The following AK9 variants were observed in gnomAD, a reference collection of about 807,000 sequenced individuals.
AK9 encodes the protein adenylate kinase 9, also known as adenylate kinase domain containing 1.
AK9 carries 191 observed loss-of-function variants against 239.6 expected under a neutral mutation model. The ratio of observed to expected loss-of-function variants is 0.80; its 90% CI spans 0.71 to 0.90. AK9 has a LOEUF of 0.90. Ranked by LOEUF, AK9 falls within the 40% of genes least tolerant of loss-of-function variation. The pLI is 0.00. For missense variants in AK9, 1,995 were observed against 2,214.7 expected, an observed-to-expected ratio of 0.90 and a Z score of 1.99; for synonymous variants, 689 against 721.0, an observed-to-expected ratio of 0.96 and a Z score of 0.71.
intron 24 of AK9, among the ~76,000 whole-genome samples, chr6:109,556,465 A>G (rs1192442406): frequency 6.6e-6 from 1 of 152,052 alleles, no homozygotes; most frequent in Non-Finnish European, 1.5e-5. Context: ...TCAATCTTGG[A>G]GAATCTGATG....
chr6:109,601,690 CTCAT>C (rs769795101), intron 17 of AK9, among the ~76,000 whole-genome samples: 4 of 152,050 alleles, frequency 2.6e-5, no homozygotes, highest in Admixed American at 1.3e-4. Context: ...GTTAAAGTCT[CTCAT>C]TATTATTGTG....
chr6:109,626,630 A>G (rs1795555009), intron 12 of AK9, among the ~76,000 whole-genome samples: 1 of 152,246 alleles, frequency 6.6e-6, no homozygotes, highest in African/African-American at 2.4e-5. Context: ...GGTATAGCCT[A>G]TTGCTCCTAG....
intron 21 of AK9, among the ~76,000 whole-genome samples, chr6:109,569,480 G>A (rs993560345): frequency 6.6e-6 from 1 of 152,172 alleles, no homozygotes; most frequent in Non-Finnish European, 1.5e-5. Context: ...ACTACCATCA[G>A]AGTGAACAGG....
chr6:109,644,160 T>C (rs984064968), intron 9 of AK9, among the ~76,000 whole-genome samples: 6 of 152,380 alleles, frequency 3.9e-5, no homozygotes, highest in South Asian at 2.1e-4. Context: ...AGATAGTTAC[T>C]ATATTTTTGT....
intron 17 of AK9, among the ~76,000 whole-genome samples, chr6:109,598,588 C>A (rs1173417588): frequency 2.0e-5 from 3 of 152,176 alleles, no homozygotes; most frequent in Non-Finnish European, 4.4e-5. Context: ...GGTATACACC[C>A]AGTAATGGGA....
intron 9 of AK9, among the ~76,000 whole-genome samples, chr6:109,642,673 T>C (rs1797601017): frequency 6.6e-6 from 1 of 152,004 alleles, no homozygotes; most frequent in African/African-American, 2.4e-5. Flanking sequence ...CTGCTGTATA[T>C]GCTGGTGAAT....
chr6:109,533,960 C>A (rs1283420554), intron 27 of AK9, among the ~76,000 whole-genome samples: 1 of 152,030 alleles, frequency 6.6e-6, no homozygotes, highest in African/African-American at 2.4e-5. Context: ...GTACACCTGG[C>A]CAGCCCAATT....
chr6:109,493,487 G>A lies in AK9; in HGVS notation c.5618C>T (p.Thr1873Ile). The change falls in exon 41 of 41, where the codon ACA becomes ATA. Residue 1873 changes from threonine (T) to isoleucine (I), a missense_variant. Around this residue, in one of 5 missense-constraint regions of AK9, gnomAD observed 391 missense variants for 456.0 expected, o/e 0.86. Transcript: ENST00000424296. The part of the protein sequence containing the change: ...EQFMESCELI[T>I]YLGAKMTRKY... ...TCTGGTCATCTTGGCACCCAAGTAT[G>A]TTATGAGTTCACAACTCTCCATAAA... is the stretch of plus-strand genomic sequence containing the variant. 7 of 1,614,100 alleles carry A rather than the reference G, an allele frequency of 4.3e-6. No homozygotes were observed. Among genetic ancestry groups the A allele is most frequent in the Non-Finnish European group, 5.9e-6 (7 of 1,179,982 alleles).
chr6:109,499,602 C>T (rs1777397165), intron 35 of AK9, among the ~76,000 whole-genome samples: 1 of 151,894 alleles, frequency 6.6e-6, no homozygotes, highest in Admixed American at 6.6e-5. Context: ...ATATAATTTA[C>T]CTAATTTTTT....
intron 6 of AK9, among the ~76,000 whole-genome samples, chr6:109,661,967 A>G (rs1332937120): frequency 6.6e-6 from 1 of 152,214 alleles, no homozygotes; most frequent in East Asian, 1.9e-4. Flanking sequence ...TTAACTCGTA[A>G]TTAATGTAGT....
chr6:109,652,867 C>T (rs943644394), intron 8 of AK9, among the ~76,000 whole-genome samples: 1 of 152,092 alleles, frequency 6.6e-6, no homozygotes, highest in African/African-American at 2.4e-5. Flanking sequence ...TGTTCAGTAA[C>T]ACAGAATATC....
At chr6:109,507,265 T>C (rs907023203) in intron 33 of AK9, among the ~76,000 whole-genome samples, 2 of 152,136 alleles carry the variant, frequency 1.3e-5, no homozygotes, top group African/African-American at 4.8e-5. Flanking sequence ...AGATCAGGTA[T>C]GTAAAGCAAC....
At chr6:109,595,098 G>C (rs1297636881) in intron 17 of AK9, among the ~76,000 whole-genome samples, 4 of 152,136 alleles carry the variant, frequency 2.6e-5, no homozygotes, top group Non-Finnish European at 4.4e-5. Flanking sequence ...GAAAATTTTT[G>C]CAATCTATGC....
At chr6:109,597,516 CA>C (rs1200305877) in intron 17 of AK9, among the ~76,000 whole-genome samples, 1 of 151,796 alleles carries the variant, frequency 6.6e-6, no homozygotes, top group Non-Finnish European at 1.5e-5. Flanking sequence ...ACTAAAAATA[CA>C]AAAAAATTAG....
Position 109,678,283 on chromosome 6 carries a change from T to G in AK9, c.-11-2527A>C, listed in dbSNP as rs1398822135. ...GCAACGTGTATCAATCTCTAAAGAATTAAACAGAGCAAAACAACAACAAAA... is the reference window on the plus strand; with the variant it reads ...GCAACGTGTATCAATCTCTAAAGAAGTAAACAGAGCAAAACAACAACAAAA... On this transcript the variant is annotated intron_variant, in intron 1 of 40. Transcript: ENST00000424296. Among the ~76,000 whole-genome samples the G allele has an allele frequency of 2.6e-5, 4 of 152,152 alleles. 1 individual carries two copies. Among genetic ancestry groups the G allele is most frequent in the Admixed American group, 2.6e-4 (4 of 15,266 alleles).
rs2128183208 is a variant in AK9 at position 109,563,659 on chromosome 6, T to C, written c.2689A>G (p.Thr897Ala). ...TCTGCTTCAGTCTGGTAGTCTTCTG[T>C]TTCTTCCTCATAATCTTCCCCAGTT... ...ELTGEDYEEE[T>A]EDYQTEAEVD... The change falls in exon 24 of 41, where the codon ACA (threonine) becomes GCA (alanine). Residue 897 changes from threonine (T) to alanine (A), a missense_variant. Thr to Ala is a moderately conservative substitution (Grantham distance 58). This residue lies in a region of AK9 where 1,290 missense variants were observed against 1,392.7 expected (regional missense o/e 0.93). Transcript: ENST00000424296. 6.4e-7 allele frequency: 1 copy of C among 1,550,832 alleles called. No individual in the cohort carries two copies. Among genetic ancestry groups the C allele is most frequent in the East Asian group, 2.4e-5 (1 of 40,912 alleles).
intron 13 of AK9, among the ~76,000 whole-genome samples, chr6:109,616,223 G>C (rs938472977): frequency 1.3e-5 from 2 of 152,142 alleles, no homozygotes; most frequent in Non-Finnish European, 1.5e-5. Context: ...GAAAACCCAA[G>C]AGAATCAACT....
rs769263466 is a variant in AK9 at position 109,515,865 on chromosome 6, G to C, written c.4057C>G (p.Pro1353Ala). The change falls in exon 31 of 41, where the codon CCT becomes GCT. Residue 1353 changes from proline to alanine, a missense_variant. Transcript: ENST00000424296. ...KYISSFGYWD[P>A]VKLSEGETIK... ...GCGTTTGCTGAAATTACCTTTACAGGGTCCCAATAGCCGAATGAGCTTATA... is the reference window on the plus strand; with the variant it reads ...GCGTTTGCTGAAATTACCTTTACAGCGTCCCAATAGCCGAATGAGCTTATA... 1.9e-6 allele frequency: 3 copies of C among 1,550,484 alleles called. No individual in the cohort carries two copies. In the South Asian group the frequency reaches 3.6e-5, roughly 18 times the overall value.
chr6:109,570,916 A>C (rs1024295144), intron 21 of AK9, among the ~76,000 whole-genome samples: 3 of 152,118 alleles, frequency 2.0e-5, no homozygotes, highest in Non-Finnish European at 2.9e-5. Context: ...TCCTTTGAGC[A>C]CCCCTGTAGG....
Sources: allele counts gnomAD v4.1 joint callset (sites outside exome capture counted in the v4.1 genomes callset), GRCh38; gene constraint gnomAD v4.1.1; regional missense constraint gnomAD v4.1.1; transcripts MANE v1.5; gene names NCBI Gene and HGNC (gene_info 2026-07-23, HGNC 2026-07-21).